The following EPHA8 variants were observed in gnomAD, a reference collection of about 807,000 sequenced individuals.
The protein encoded by EPHA8 is EPH receptor A8.
A neutral mutation model predicts 103.6 loss-of-function variants in EPHA8; 58 were observed. The ratio of observed to expected loss-of-function variants is 0.56; its 90% CI spans 0.45 to 0.70. EPHA8 has a LOEUF of 0.70. Among genes scored for constraint, EPHA8 ranks in the 30% least tolerant of loss-of-function variants. The probability of loss-of-function intolerance (pLI) is 0.00; values close to 1 mark genes in which losing one functional copy is unlikely to be tolerated. For synonymous variants in EPHA8, 559 were observed against 572.5 expected (o/e 0.98, Z 0.34); for missense variants, 1,304 against 1,395.2 (o/e 0.93, Z 1.04).
chr1:22,597,231 A>G lies in EPHA8; in HGVS notation c.1766-81A>G. ...CCAGAGACACCCCTCACCCCACCCC[A>G]GACCCATCCCAGGCCCAGGGAATGT... On this transcript the variant is annotated intron_variant, in intron 9 of 16. Coordinates refer to ENST00000166244, the MANE Select transcript of EPHA8 (RefSeq NM_020526.5). This position sits in a 1 kb window ranked among gnomAD's most constrained non-coding sequence, Gnocchi z 4.6. 1 of 1,149,664 alleles carries G rather than the reference A, an allele frequency of 8.7e-7. No homozygotes were observed. The highest frequency in any genetic ancestry group is 1.2e-6 in the Non-Finnish European group (1 of 807,496). The allele number at this position is 1,149,664 out of a possible 1,614,324, so 71.2% of individuals were successfully genotyped here.
Position 22,589,602 on chromosome 1 carries a change from A to G in EPHA8, c.1315+396A>G. ...CCTGGCCCGTGGTAAATGCTCAATA[A>G]ATGTCATTAAAAAATAAAATCACTC... On this transcript the variant is annotated intron_variant, in intron 5 of 16. Coordinates refer to ENST00000166244, the MANE Select transcript of EPHA8 (RefSeq NM_020526.5). This position sits in a 1 kb window ranked among gnomAD's most constrained non-coding sequence, Gnocchi z 4.3. 7.8e-7 allele frequency: 1 copy of G among 1,276,442 alleles called. No homozygotes were observed. Among genetic ancestry groups the G allele is most frequent in the Non-Finnish European group, 9.8e-7 (1 of 1,015,656 alleles). 79.1% of individuals were successfully genotyped at this position (1,276,442 alleles called of 1,614,324 possible).
chr1:22,600,467 ACTCC>A (rs1641691697), intron 13 of EPHA8, among the ~76,000 whole-genome samples, 190 bp from the exon 14 acceptor site: 1 of 151,414 alleles, frequency 6.6e-6, no homozygotes, highest in African/African-American at 2.4e-5. Flanking sequence ...CAGGCGTCTC[ACTCC>A]CTCCTTCCTT....
rs369403576 is a variant in EPHA8 at position 22,589,799 on chromosome 1, C to G, written c.1315+593C>G. ...GAGGACCCTGCCCGTCAAGTGACAG[C>G]GTGACCCAAGAGCCCTCCTAGGGCA... is the stretch of plus-strand genomic sequence containing the variant. On this transcript the variant is annotated intron_variant, in intron 5 of 16. Transcript: ENST00000166244. The surrounding 1 kb of genome is among the most constrained non-coding windows in gnomAD (Gnocchi z 4.3). 3.9e-5 allele frequency among the ~76,000 whole-genome samples: 6 copies of G among 152,218 alleles called. No homozygotes were observed. In the East Asian group the frequency reaches 1.2e-3, roughly 29 times the overall value.
Position 22,601,785 on chromosome 1 carries a change from G to A in EPHA8, c.*44G>A. ...CAGGCAGCCACCAAGCCCACCCCAGGTCATGCCAGCGGCAGAGGACGTGAG... is the reference window on the plus strand; with the variant it reads ...CAGGCAGCCACCAAGCCCACCCCAGATCATGCCAGCGGCAGAGGACGTGAG... On this transcript the variant is annotated 3_prime_UTR_variant, in exon 17 of 17. Transcript: ENST00000166244. 1 of 1,528,544 alleles carries A rather than the reference G, an allele frequency of 6.5e-7. No individual in the cohort carries two copies. Among genetic ancestry groups the A allele is most frequent in the Non-Finnish European group, 8.8e-7 (1 of 1,131,534 alleles). The allele number at this position is 1,528,544 out of a possible 1,614,324, so 94.7% of individuals were successfully genotyped here. A position where few individuals can be genotyped will look rare whatever the true frequency, so the allele number is the denominator to read the frequency against.
Position 22,593,545 on chromosome 1 carries a change from T to A in EPHA8, c.1462T>A (p.Ser488Thr). The change falls in exon 7 of 17, where the codon TCC becomes ACC. Residue 488 changes from serine (S) to threonine (T), a missense_variant. By Grantham distance (58) the Ser-to-Thr change is moderately conservative. Coordinates refer to ENST00000166244, the MANE Select transcript of EPHA8 (RefSeq NM_020526.5). ...YEKDKEMQSY[S>T]TLKAVTTRAT... The stretch of plus-strand genomic sequence containing the variant: ...GCAGGACAAGGAGATGCAGAGCTAC[T>A]CCACCCTCAAGGCCGTCACCACCAG... The A allele has an allele frequency of 6.2e-7, 1 of 1,612,474 alleles. No homozygotes were observed. The highest frequency in any genetic ancestry group is 8.5e-7 in the Non-Finnish European group (1 of 1,179,770).
Position 22,576,252 on chromosome 1 carries a change from GC to G in EPHA8, c.198del (p.Ile67SerfsTer10). The G allele has an allele frequency of 1.2e-6, 2 of 1,612,894 alleles. No individual in the cohort carries two copies. The highest frequency in any genetic ancestry group is 1.7e-6 in the Non-Finnish European group (2 of 1,179,412). On this transcript the variant is annotated frameshift_variant, in exon 3 of 17. Coordinates refer to ENST00000166244, the MANE Select transcript of EPHA8 (RefSeq NM_020526.5). LOFTEE classifies it high-confidence loss of function. This position sits in a 1 kb window ranked among gnomAD's most constrained non-coding sequence, Gnocchi z 4.8. The part of the protein sequence containing the change: ...SINEVDESFQ[P>X]IHTYQVCNVM... ...TCAACGAGGTGGACGAGTCCTTCCAGCCCATCCACACGTACCAGGTTTGCAA... is the reference window on the plus strand; with the variant it reads ...TCAACGAGGTGGACGAGTCCTTCCAGCCATCCACACGTACCAGGTTTGCAA...
rs1641789025 is a variant in EPHA8, at chr1:22,603,233, C to G, written c.*1492C>G. 1 of 152,668 alleles carries G rather than the reference C, an allele frequency of 6.6e-6. No individual in the cohort carries two copies. Among genetic ancestry groups the G allele is most frequent in the Non-Finnish European group, 1.5e-5 (1 of 68,136 alleles). The allele number at this position is 152,668 out of a possible 1,614,324, so 9.5% of individuals were successfully genotyped here. A position where few individuals can be genotyped will look rare whatever the true frequency, so the allele number is the denominator to read the frequency against. On this transcript the variant is annotated 3_prime_UTR_variant, in exon 17 of 17. Transcript: ENST00000166244. ...GACACCAGCACTGAGCCCCCTCTCC[C>G]TCCTGCAATAATTCGGGGAGTCTCA...
chr1:22,599,645 GGGAAGGAAGGAAAGGAGGGAGGGA>G, intron 13 of EPHA8, among the ~76,000 whole-genome samples: 1 of 63,320 alleles, frequency 1.6e-5, no homozygotes, highest in Non-Finnish European at 2.8e-5. Context: ...AAGGGAGGGA[GGGAAGGAAGGAAAGGAGGGAGGGA>G]GGAAGGAGGG....
At chr1:22,578,420 G>C (rs889923934) in intron 3 of EPHA8, among the ~76,000 whole-genome samples, 1 of 141,618 alleles carries the variant, frequency 7.1e-6, no homozygotes, top group Non-Finnish European at 1.5e-5. Context: ...ATGTCTGCAT[G>C]TGTACGTATG....
At position 22,598,078 on chromosome 1, in the gene EPHA8, A is replaced by G; in HGVS notation, c.2117-73A>G. On this transcript the variant is annotated intron_variant, in intron 11 of 16. Transcript: ENST00000166244. This position sits in a 1 kb window ranked among gnomAD's most constrained non-coding sequence, Gnocchi z 5.1. ...CTGGCACAGGTCCTGAGATGGTGGT[A>G]TGCTCCTGGGGTCTCTGATCAGCAG... 6.5e-7 allele frequency: 1 copy of G among 1,533,574 alleles called. No individual in the cohort carries two copies. The highest frequency in any genetic ancestry group is 1.4e-5 in the African/African-American group (1 of 73,326). The allele number at this position is 1,533,574 out of a possible 1,614,324, so 95.0% of individuals were successfully genotyped here. A position where few individuals can be genotyped will look rare whatever the true frequency, so the allele number is the denominator to read the frequency against.
chr1:22,586,662 C>A (rs779533729), intron 4 of EPHA8, 27 bp downstream of exon 4: 14 of 1,609,152 alleles, frequency 8.7e-6, no homozygotes, highest in Non-Finnish European at 1.1e-5. Context: ...GATGCCAGTA[C>A]CCTTGAGCCC....
In EPHA8 at chr1:22,589,215, A is replaced by T. The variant is rs771272070; in HGVS notation, c.1315+9A>T. On this transcript the variant is annotated intron_variant, in intron 5 of 16. Transcript: ENST00000166244. This position sits in a 1 kb window ranked among gnomAD's most constrained non-coding sequence, Gnocchi z 4.3. Reference sequence around the variant, plus strand: ...CACCACGAACCAGGCAGGTAGGCGGAGAAACTCCGTCCCGCAGCGTCCTGG... The same window carrying T: ...CACCACGAACCAGGCAGGTAGGCGGTGAAACTCCGTCCCGCAGCGTCCTGG... 2.9e-5 allele frequency: 46 copies of T among 1,613,838 alleles called. 1 individual carries two copies. The South Asian group carries it at 5.1e-4, about 18-fold the overall frequency.
chr1:22,588,119 T>C (rs932571640), intron 4 of EPHA8, among the ~76,000 whole-genome samples: 4 of 152,240 alleles, frequency 2.6e-5, no homozygotes, highest in African/African-American at 9.6e-5. Context: ...CTTCAAATTG[T>C]AAGATTCTGA....
At chr1:22,594,027 T>G (rs1180554052) in intron 7 of EPHA8, among the ~76,000 whole-genome samples, 2 of 152,196 alleles carry the variant, frequency 1.3e-5, no homozygotes, top group Non-Finnish European at 2.9e-5. Context: ...GAGACGGGGT[T>G]TCACCATCTT....
In EPHA8 at chr1:22,600,969, C is replaced by T. The variant is rs1641708777; in HGVS notation, c.2610C>T (p.Leu870=). ...PMGCPHALHQ[L]MLDCWHKDRA... is the part of the protein sequence containing the mutation. ...GCTGCCCCCACGCCCTGCACCAGCTCATGCTCGACTGTTGGCACAAGGACC... is the reference window on the plus strand; with the variant it reads ...GCTGCCCCCACGCCCTGCACCAGCTTATGCTCGACTGTTGGCACAAGGACC... The change falls in exon 15 of 17, where the codon CTC becomes CTT. Residue 870 remains leucine (L), a synonymous_variant. Transcript: ENST00000166244. 6.2e-7 allele frequency: 1 copy of T among 1,613,084 alleles called. No individual in the cohort carries two copies. The highest frequency in any genetic ancestry group is 8.5e-7 in the Non-Finnish European group (1 of 1,179,864).
At chr1:22,584,490 C>G (rs1015544150) in intron 3 of EPHA8, among the ~76,000 whole-genome samples, 1 of 152,212 alleles carries the variant, frequency 6.6e-6, no homozygotes, top group African/African-American at 2.4e-5. Flanking sequence ...CAGGTTTTCT[C>G]TCAAGTTTGT....
intron 3 of EPHA8, among the ~76,000 whole-genome samples, chr1:22,578,016 T>TAC (rs1640792470): frequency 9.6e-6 from 1 of 103,952 alleles, no homozygotes; most frequent in Non-Finnish European, 2.0e-5. Context: ...TGCATGTGTA[T>TAC]GTGTACATGT....
intron 2 of EPHA8, among the ~76,000 whole-genome samples, chr1:22,571,008 G>T (rs1640529944): frequency 1.3e-5 from 2 of 152,210 alleles, no homozygotes; most frequent in African/African-American, 4.8e-5. Flanking sequence ...GGCTGAGATG[G>T]CATTCCCCTG....
Position 22,600,716 on chromosome 1 carries a change from TCTC to T in EPHA8, c.2448_2450del (p.Ser817del), listed in dbSNP as rs757340105. 10 of 1,613,452 alleles carry T rather than the reference TCTC, an allele frequency of 6.2e-6. No homozygotes were observed. Among genetic ancestry groups the T allele is most frequent in the African/African-American group, 5.3e-5 (4 of 74,884 alleles). ...CCAGAGGCCATCGCCTTCCGCACCT[TCTC>T]CTCGGCCAGCGACGTGTGGAGCTTC... On this transcript the variant is annotated inframe_deletion, in exon 14 of 17. Transcript: ENST00000166244.
Sources: allele counts gnomAD v4.1 joint callset (sites outside exome capture counted in the v4.1 genomes callset), GRCh38; gene constraint gnomAD v4.1.1; non-coding constraint Gnocchi (gnomAD v3.1); transcripts MANE v1.5; gene names NCBI Gene and HGNC (gene_info 2026-07-23, HGNC 2026-07-21).